NSG1: variants seen among roughly 807,000 people sequenced by gnomAD.
NSG1 encodes the protein neuronal vesicle trafficking associated 1.
Under a neutral mutation model 19.3 loss-of-function variants are expected in NSG1, and 9 were observed. That is an observed-to-expected ratio of 0.47 (90% confidence interval 0.28 to 0.81). The LOEUF (loss-of-function observed/expected upper bound fraction) is 0.81. Among genes scored for constraint, NSG1 ranks in the 40% least tolerant of loss-of-function variants. The pLI is 0.11. For missense variants in NSG1, 236 were observed against 242.4 expected (o/e 0.97, Z 0.18); for synonymous variants, 104 against 107.0 (o/e 0.97, Z 0.17).
At chr4:4,394,815 T>C (rs915947465) in intron 3 of NSG1, among the ~76,000 whole-genome samples, 6 of 152,196 alleles carry the variant, frequency 3.9e-5, no homozygotes, top group Non-Finnish European at 8.8e-5. Flanking sequence ...GGTCTGCCCG[T>C]GGGTCCTTGC....
intron 3 of NSG1, among the ~76,000 whole-genome samples, chr4:4,402,300 G>A (rs1316224559): frequency 6.7e-6 from 1 of 149,696 alleles, no homozygotes; most frequent in African/African-American, 2.5e-5. Flanking sequence ...CTATCTCCCG[G>A]GTTCGAATGA....
chr4:4,393,777 A>G (rs1723111227), intron 3 of NSG1, among the ~76,000 whole-genome samples: 1 of 152,084 alleles, frequency 6.6e-6, no homozygotes, highest in African/African-American at 2.4e-5. Context: ...CTTCAAAGCC[A>G]AGGCCTTCCC....
At chr4:4,397,896 A>G (rs1313335195) in intron 3 of NSG1, among the ~76,000 whole-genome samples, 2 of 151,968 alleles carry the variant, frequency 1.3e-5, no homozygotes, top group South Asian at 2.1e-4. Flanking sequence ...CACACCCACA[A>G]TAGTTTGCGA....
In NSG1 at chr4:4,417,171, C is replaced by T. The variant is rs1724597125; in HGVS notation, c.358-64C>T. 3.3e-5 allele frequency: 47 copies of T among 1,416,026 alleles called. No individual in the cohort carries two copies. The South Asian group carries it at 5.5e-4, about 17-fold the overall frequency. 87.7% of individuals were successfully genotyped at this position (1,416,026 alleles called of 1,614,324 possible). A position where few individuals can be genotyped will look rare whatever the true frequency, so the allele number is the denominator to read the frequency against. ...GTGCTCAGTAACTGTTGGCTGCCAA[C>T]TGGAGACACACTGGCACCCCCTCTT... On this transcript the variant is annotated intron_variant, in intron 4 of 4. Transcript: ENST00000621129.
At chr4:4,409,720 C>CT (rs1477354242) in intron 4 of NSG1, 37 bp downstream of exon 4, 2 of 1,489,326 alleles carry the variant, frequency 1.3e-6, no homozygotes, top group East Asian at 4.5e-5. Context: ...CCTGGGACGC[C>CT]TTTGCACCCC....
Position 4,391,521 on chromosome 4 carries a change from G to A in NSG1, c.176G>A (p.Gly59Glu). Residue 59 changes from glycine to glutamate, a missense_variant, in exon 3 of 5, where the codon GGG becomes GAG. Transcript: ENST00000621129. ...GAGTATGAACCTGACCGCAAGAAAG[G>A]GAAAGCACGTCCTCCCCAAATTGCT... ...KTEYEPDRKKGKARPPQIAEF... is the reference protein window; with the variant it reads ...KTEYEPDRKKEKARPPQIAEF... 1 of 1,613,790 alleles carries A rather than the reference G, an allele frequency of 6.2e-7. No homozygotes were observed. Among genetic ancestry groups the A allele is most frequent in the Non-Finnish European group, 8.5e-7 (1 of 1,179,928 alleles).
intron 3 of NSG1, among the ~76,000 whole-genome samples, chr4:4,393,073 T>C (rs1723081526): frequency 6.6e-6 from 1 of 152,198 alleles, no homozygotes; most frequent in African/African-American, 2.4e-5. Flanking sequence ...GTTTGGCTGC[T>C]GTCCCTGGTT....
intron 3 of NSG1, among the ~76,000 whole-genome samples, chr4:4,398,023 G>A (rs1416069109): frequency 2.0e-5 from 3 of 151,814 alleles, no homozygotes; most frequent in Non-Finnish European, 4.4e-5. Context: ...GCACGATCTC[G>A]GCTCACTGCA....
At chr4:4,398,447 C>CG (rs1723383886) in intron 3 of NSG1, among the ~76,000 whole-genome samples, 1 of 151,730 alleles carries the variant, frequency 6.6e-6, no homozygotes, top group African/African-American at 2.4e-5. Flanking sequence ...ACTCCCATGC[C>CG]CCCCCCCACA....
At chr4:4,405,119 G>T (rs115228190) in intron 3 of NSG1, among the ~76,000 whole-genome samples, 2 of 152,188 alleles carry the variant, frequency 1.3e-5, no homozygotes, top group Non-Finnish European at 2.9e-5. Flanking sequence ...CGGCAGAACT[G>T]TGCTCCCTTG....
rs1047089097 is a variant in NSG1, at chr4:4,416,156, T to A, written c.358-1079T>A. 1.0e-5 allele frequency: 7 copies of A among 702,242 alleles called. No homozygotes were observed. In the African/African-American group the frequency reaches 1.2e-4, roughly 12 times the overall value. The allele number at this position is 702,242 out of a possible 1,614,324, so 43.5% of individuals were successfully genotyped here. A position where few individuals can be genotyped will look rare whatever the true frequency, so the allele number is the denominator to read the frequency against. ...TGACTCATTGGCCGCATTTTATAGG[T>A]GAGGGACCTGAGATTGAGAGAGAAA... On this transcript the variant is annotated intron_variant, in intron 4 of 4. Coordinates refer to ENST00000621129, the MANE Select transcript of NSG1 (RefSeq NM_014392.5).
At chr4:4,406,771 G>T (rs1030640841) in intron 3 of NSG1, among the ~76,000 whole-genome samples, 1 of 152,128 alleles carries the variant, frequency 6.6e-6, no homozygotes, top group Non-Finnish European at 1.5e-5. Context: ...CCAGACTCCC[G>T]GCCAGTGAGC....
intron 3 of NSG1, among the ~76,000 whole-genome samples, chr4:4,399,693 C>G (rs530798399): frequency 6.6e-6 from 1 of 152,112 alleles, no homozygotes; most frequent in Non-Finnish European, 1.5e-5. Flanking sequence ...TCTAAGATAG[C>G]GGTCCCCAAC....
At chr4:4,416,304 A>C in intron 4 of NSG1, 1 of 677,814 alleles carries the variant, frequency 1.5e-6, no homozygotes, top group Non-Finnish European at 2.7e-6. Context: ...TGTTGGTGAG[A>C]AGCACATTCC....
chr4:4,403,328 T>C (rs1218057556), intron 3 of NSG1, among the ~76,000 whole-genome samples: 1 of 152,184 alleles, frequency 6.6e-6, no homozygotes, highest in Non-Finnish European at 1.5e-5. Context: ...TCAAGGGGTG[T>C]GCCGGGCCCT....
At chr4:4,396,008 TGA>T (rs1723230078) in intron 3 of NSG1, among the ~76,000 whole-genome samples, 2 of 152,290 alleles carry the variant, frequency 1.3e-5, no homozygotes, top group Non-Finnish European at 2.9e-5. Flanking sequence ...GAGAAGGTTC[TGA>T]GAGACTCCGC....
chr4:4,415,094 TACACG>T (rs1233805755), intron 4 of NSG1, among the ~76,000 whole-genome samples: 171 of 152,298 alleles, frequency 1.1e-3, no homozygotes, highest in African/African-American at 4.0e-3. Context: ...GTAGACAGGT[TACACG>T]TTCTTGCTAT....
chr4:4,416,498 T>A (rs999800986), intron 4 of NSG1, among the ~76,000 whole-genome samples: 8 of 152,132 alleles, frequency 5.3e-5, no homozygotes, highest in Non-Finnish European at 7.4e-5. Flanking sequence ...GGTGAGCCAC[T>A]CACCTCAAGG....
intron 3 of NSG1, among the ~76,000 whole-genome samples, chr4:4,409,104 G>C (rs1211655387): frequency 1.3e-5 from 2 of 152,248 alleles, no homozygotes; most frequent in East Asian, 3.9e-4. Flanking sequence ...CCACGCAAAA[G>C]CAGGCTGGTG....
Sources: allele counts gnomAD v4.1 joint callset (sites outside exome capture counted in the v4.1 genomes callset), GRCh38; gene constraint gnomAD v4.1.1; transcripts MANE v1.5; gene names NCBI Gene and HGNC (gene_info 2026-07-23, HGNC 2026-07-21).